Variants in IFT81 observed in about 807,000 individuals in gnomAD.
IFT81 encodes intraflagellar transport protein 81 homolog.
In IFT81, 72 loss-of-function variants were observed where a neutral mutation model predicts 102.6. That is an observed-to-expected ratio of 0.70 (90% CI 0.58 to 0.85). The LOEUF is 0.85. Among genes scored for constraint, IFT81 ranks in the 40% least tolerant of loss-of-function variants. The pLI, the probability that IFT81 is intolerant of heterozygous loss-of-function variation, is 0.00. For missense variants in IFT81, 723 were observed against 787.3 expected, an observed-to-expected ratio of 0.92 and a Z score of 0.98; for synonymous variants, 237 against 242.7, an observed-to-expected ratio of 0.98 and a Z score of 0.22.
rs1055814801 is a variant in IFT81 at position 110,214,339 on chromosome 12, C to T, written c.1849-3705C>T. Among the ~76,000 whole-genome samples, 17 of 151,946 alleles carry T rather than the reference C, an allele frequency of 1.1e-4. 1 individual carries two copies. The highest frequency in any genetic ancestry group is 4.1e-4 in the African/African-American group (17 of 41,448). On this transcript the variant is annotated intron_variant, in intron 18 of 18. Transcript: ENST00000242591. The stretch of plus-strand genomic sequence containing the variant: ...TTTAAGCAAGTGAACCAATGACTAG[C>T]TCATTCCCCAAATGTCAGACTGTAT...
Position 110,215,665 on chromosome 12 carries a change from T to C in IFT81, c.1849-2379T>C, listed in dbSNP as rs189789299. On this transcript the variant is annotated intron_variant, in intron 18 of 18. Transcript: ENST00000242591. ...TTTTTTTTTTGTAGAGACAGGGGCG[T>C]CTCACTTTGTTGCCCAGGCTGGATT... Among the ~76,000 whole-genome samples, 401 of 151,696 alleles carry C rather than the reference T, an allele frequency of 2.6e-3. 3 individuals are homozygous for C. Among genetic ancestry groups the C allele is most frequent in the South Asian group, 0.021 (102 of 4,794 alleles).
intron 10 of IFT81, among the ~76,000 whole-genome samples, chr12:110,154,805 C>T (rs1389966657): frequency 6.6e-6 from 1 of 151,498 alleles, no homozygotes; most frequent in Non-Finnish European, 1.5e-5. Context: ...TTTTTTTGGC[C>T]ACAGTCTCAC....
intron 4 of IFT81, among the ~76,000 whole-genome samples, chr12:110,129,669 T>C (rs561752761): frequency 1.3e-5 from 2 of 152,220 alleles, no homozygotes; most frequent in East Asian, 3.9e-4. Flanking sequence ...AGTGCACCTT[T>C]CTTGCCAAGG....
intron 9 of IFT81, among the ~76,000 whole-genome samples, chr12:110,144,657 T>A (rs1023920040): frequency 1.3e-5 from 2 of 151,314 alleles, no homozygotes; most frequent in Non-Finnish European, 2.9e-5. Context: ...ACTACAGATA[T>A]GTGCCACCAT....
At chr12:110,203,724 G>C (rs1898423921) in intron 14 of IFT81, 140 bp from the exon 15 acceptor site, 1 of 665,138 alleles carries the variant, frequency 1.5e-6, no homozygotes, top group African/African-American at 1.8e-5. Context: ...TCAAATGTCT[G>C]GTTGTTGCAT....
intron 6 of IFT81, 134 bp downstream of exon 6, chr12:110,135,147 G>T: frequency 1.3e-6 from 1 of 772,354 alleles, no homozygotes; most frequent in East Asian, 2.6e-5. Context: ...TGACGAAAAG[G>T]GAATCTCTCT....
chr12:110,173,193 C>A, intron 11 of IFT81, among the ~76,000 whole-genome samples: 1 of 146,876 alleles, frequency 6.8e-6, no homozygotes, highest in Non-Finnish European at 1.5e-5. Context: ...CCCAGCCAGC[C>A]GCCCCGTCCG....
intron 10 of IFT81, among the ~76,000 whole-genome samples, chr12:110,149,655 C>T (rs923521198): frequency 3.3e-5 from 5 of 152,038 alleles, no homozygotes; most frequent in African/African-American, 9.7e-5. Flanking sequence ...GGAGTCAGGC[C>T]GCCGAGTGGC....
intron 13 of IFT81, 49 bp from the exon 14 acceptor site, chr12:110,192,568 C>CT (rs752160190): frequency 4.9e-5 from 50 of 1,029,516 alleles, no homozygotes; most frequent in Non-Finnish European, 6.4e-5. Context: ...TAGTATTTTT[C>CT]TTTTTTTGAA....
At chr12:110,201,196 A>C (rs529674402) in intron 14 of IFT81, among the ~76,000 whole-genome samples, 3 of 152,182 alleles carry the variant, frequency 2.0e-5, no homozygotes, top group South Asian at 4.2e-4. Flanking sequence ...TGAAGTCAGG[A>C]GTTCAAGACC....
intron 18 of IFT81, among the ~76,000 whole-genome samples, chr12:110,212,242 T>TAA (rs11286720): frequency 2.9e-5 from 4 of 139,760 alleles, no homozygotes; most frequent in Admixed American, 1.4e-4. Flanking sequence ...TTCCTTACTT[T>TAA]AAAAAAAAAA....
intron 8 of IFT81, 55 bp downstream of exon 8, chr12:110,136,915 C>A (rs1008756997): frequency 9.3e-7 from 1 of 1,076,924 alleles, no homozygotes; most frequent in Non-Finnish European, 1.4e-6. Flanking sequence ...ATTTAAATCA[C>A]GATCTTCCTA....
At chr12:110,182,479 T>G (rs1266334385) in intron 12 of IFT81, among the ~76,000 whole-genome samples, 2 of 152,158 alleles carry the variant, frequency 1.3e-5, no homozygotes, top group Non-Finnish European at 2.9e-5. Context: ...TCCTCATCCT[T>G]GAGAAGTGTG....
chr12:110,135,534 C>T (rs1025233347), intron 7 of IFT81, 97 bp downstream of exon 7: 7 of 731,218 alleles, frequency 9.6e-6, no homozygotes, highest in Middle Eastern at 3.9e-4. Flanking sequence ...TAGACGTTCA[C>T]GTTCCTTTTG....
At chr12:110,184,460 G>A (rs1388310537) in intron 12 of IFT81, among the ~76,000 whole-genome samples, 2 of 152,192 alleles carry the variant, frequency 1.3e-5, no homozygotes, top group African/African-American at 4.8e-5. Context: ...AGTCCTTATA[G>A]TTACTATTTC....
Position 110,129,035 on chromosome 12 carries a change from C to T in IFT81, c.334C>T (p.Leu112=), listed in dbSNP as rs2137296241. The T allele has an allele frequency of 1.9e-6, 3 of 1,608,772 alleles. No individual in the cohort carries two copies. Among genetic ancestry groups the T allele is most frequent in the South Asian group, 1.1e-5 (1 of 89,632 alleles). The stretch of plus-strand genomic sequence containing the variant: ...CTGGCTTCTTCAGAGGACTAATGAA[C>T]TGAAGAAAAGAGCATATTTAGCTCG... ...LHWLLQRTNE[L]KKRAYLARFL... Residue 112 remains leucine, a synonymous_variant, in exon 4 of 19, where the codon CTG becomes TTG. Coordinates refer to ENST00000242591, the MANE Select transcript of IFT81 (RefSeq NM_014055.4).
In IFT81 at chr12:110,205,639, A is replaced by G. The variant is rs377664043; in HGVS notation, c.1761A>G (p.Ala587=). The change falls in exon 17 of 19, where the codon GCA becomes GCG. Residue 587 remains alanine, a synonymous_variant. Coordinates refer to ENST00000242591, the MANE Select transcript of IFT81 (RefSeq NM_014055.4). ...QLRRATDEMK[A]YISSDQQEKR... ...GTCGTGCTACTGATGAGATGAAGGC[A>G]TATATCTCTTCTGATCAACAAGAAA... is the stretch of plus-strand genomic sequence containing the variant. 3 of 1,603,288 alleles carry G rather than the reference A, an allele frequency of 1.9e-6. No individual in the cohort carries two copies. Among genetic ancestry groups the G allele is most frequent in the Non-Finnish European group, 2.5e-6 (3 of 1,176,904 alleles).
Position 110,127,485 on chromosome 12 carries a change from A to G in IFT81, c.105A>G (p.Leu35=). The change falls in exon 2 of 19, where the codon TTA becomes TTG. Residue 35 remains leucine (L), a synonymous_variant. Transcript: ENST00000242591. The part of the protein sequence containing the change: ...TFDSLEPMQL[L]QVLSDVLAEI... Reference sequence around the variant, plus strand: ...ATTCCTTGGAGCCAATGCAACTATTACAAGTTCTCAGTGATGTTCTGGCTG... The same window carrying G: ...ATTCCTTGGAGCCAATGCAACTATTGCAAGTTCTCAGTGATGTTCTGGCTG... The G allele has an allele frequency of 6.2e-7, 1 of 1,609,112 alleles. No individual in the cohort carries two copies. Among genetic ancestry groups the G allele is most frequent in the Non-Finnish European group, 8.5e-7 (1 of 1,178,366 alleles).
At chr12:110,133,379 T>A (rs1241905108) in intron 5 of IFT81, among the ~76,000 whole-genome samples, 1 of 151,850 alleles carries the variant, frequency 6.6e-6, no homozygotes, top group Non-Finnish European at 1.5e-5. Flanking sequence ...TCCAAACACT[T>A]TGGGTGGCCG....
Sources: allele counts gnomAD v4.1 joint callset (sites outside exome capture counted in the v4.1 genomes callset), GRCh38; gene constraint gnomAD v4.1.1; transcripts MANE v1.5; gene names NCBI Gene and HGNC (gene_info 2026-07-23, HGNC 2026-07-21).